Variants in DLG2 observed in about 807,000 individuals in gnomAD.
The protein encoded by DLG2 is discs large MAGUK scaffold protein 2.
DLG2 carries 45 observed loss-of-function variants against 132.5 expected under a neutral mutation model. The observed-to-expected ratio is 0.34, with a 90% CI of 0.27 to 0.44. DLG2 has a LOEUF of 0.44. DLG2 is among the 20% of genes least tolerant of loss of function. DLG2 has a pLI of 1.00. For synonymous variants in DLG2, 424 were observed against 419.6 expected (o/e 1.01, Z -0.13); for missense variants, 1,045 against 1,196.9 (o/e 0.87, Z 1.87).
intron 8 of DLG2, among the ~76,000 whole-genome samples, chr11:84,193,205 C>T (rs956624454): frequency 3.3e-5 from 5 of 152,120 alleles, no homozygotes; most frequent in Non-Finnish European, 4.4e-5. Flanking sequence ...TCCCTGGCCC[C>T]GAACTCTGGC....
intron 10 of DLG2, among the ~76,000 whole-genome samples, chr11:84,078,673 A>C (rs1049781342): frequency 6.6e-6 from 1 of 152,202 alleles, no homozygotes; most frequent in African/African-American, 2.4e-5. Flanking sequence ...GTACTCCTAG[A>C]GGTACACCTT....
At chr11:84,426,123 C>CTCTAA (rs1451104410) in intron 7 of DLG2, among the ~76,000 whole-genome samples, 1 of 152,108 alleles carries the variant, frequency 6.6e-6, no homozygotes, top group Non-Finnish European at 1.5e-5. Flanking sequence ...TTAGCAGGTA[C>CTCTAA]TGTTTACCAA....
chr11:84,564,962 C>T (rs79893734), intron 6 of DLG2, among the ~76,000 whole-genome samples: 8,863 of 152,190 alleles, frequency 0.058, 334 homozygotes, highest in African/African-American at 0.099. Context: ...AAATTACATT[C>T]TACTTTTAAA....
At chr11:84,580,601 G>C (rs1489344908) in intron 6 of DLG2, among the ~76,000 whole-genome samples, 1 of 152,316 alleles carries the variant, frequency 6.6e-6, no homozygotes, top group South Asian at 2.1e-4. Context: ...GTAAAAGGCA[G>C]CAAGCAGCTG....
At chr11:84,092,765 C>T (rs971086068) in intron 10 of DLG2, among the ~76,000 whole-genome samples, 6 of 152,076 alleles carry the variant, frequency 3.9e-5, no homozygotes, top group African/African-American at 7.2e-5. Flanking sequence ...CGGCTGGGTA[C>T]GGTGGCTCAC....
intron 6 of DLG2, among the ~76,000 whole-genome samples, chr11:85,055,867 TG>T (rs758543738): frequency 6.6e-6 from 1 of 152,058 alleles, no homozygotes; most frequent in Non-Finnish European, 1.5e-5. Flanking sequence ...GGGTTAAGGT[TG>T]GGGATAGATA....
intron 7 of DLG2, among the ~76,000 whole-genome samples, chr11:84,521,294 A>G (rs147978690): frequency 6.6e-6 from 1 of 152,314 alleles, no homozygotes; most frequent in African/African-American, 2.4e-5. Flanking sequence ...AATTGAAATA[A>G]GTGAACCTCT....
At chr11:83,656,115 G>A (rs969087403) in intron 18 of DLG2, among the ~76,000 whole-genome samples, 2 of 152,186 alleles carry the variant, frequency 1.3e-5, no homozygotes, top group Non-Finnish European at 2.9e-5. Flanking sequence ...GTTTTGCAGA[G>A]AACTCAGAAA....
chr11:85,068,080 G>A (rs1039281369), intron 6 of DLG2, among the ~76,000 whole-genome samples: 2 of 151,928 alleles, frequency 1.3e-5, no homozygotes, highest in African/African-American at 2.4e-5. Flanking sequence ...ATGCAGAAAA[G>A]GCCTTTGACA....
At chr11:83,818,533 T>A (rs2049770012) in intron 17 of DLG2, among the ~76,000 whole-genome samples, 1 of 152,166 alleles carries the variant, frequency 6.6e-6, no homozygotes, top group Admixed American at 6.5e-5. Context: ...CATGGCTTAG[T>A]CATCATTACA....
chr11:85,420,835 C>G (rs2090241137), intron 3 of DLG2, among the ~76,000 whole-genome samples: 1 of 152,144 alleles, frequency 6.6e-6, no homozygotes, highest in African/African-American at 2.4e-5. Context: ...CTGCTGGCAG[C>G]AAGAATTTCA....
chr11:85,220,437 C>A (rs948325058), intron 4 of DLG2, among the ~76,000 whole-genome samples: 1 of 151,598 alleles, frequency 6.6e-6, no homozygotes, highest in African/African-American at 2.4e-5. Flanking sequence ...AGCAAGGAGG[C>A]CAGGGTGATG....
At chr11:84,887,678 C>T (rs945046768) in intron 6 of DLG2, among the ~76,000 whole-genome samples, 2 of 152,040 alleles carry the variant, frequency 1.3e-5, no homozygotes, top group Non-Finnish European at 2.9e-5. Context: ...TATCAAGTAC[C>T]ACCTTTTGAT....
intron 11 of DLG2, among the ~76,000 whole-genome samples, chr11:84,035,073 C>G (rs894601497): frequency 6.6e-6 from 1 of 152,076 alleles, no homozygotes; most frequent in Non-Finnish European, 1.5e-5. Context: ...AGAGAACTCA[C>G]TACGTTACAA....
At chr11:83,701,873 C>A (rs748349363) in intron 18 of DLG2, among the ~76,000 whole-genome samples, 1 of 152,192 alleles carries the variant, frequency 6.6e-6, no homozygotes, top group Non-Finnish European at 1.5e-5. Flanking sequence ...GGGGCCACAT[C>A]ACATAATGCT....
At chr11:84,644,963 A>T (rs759649549) in intron 6 of DLG2, among the ~76,000 whole-genome samples, 2 of 152,216 alleles carry the variant, frequency 1.3e-5, no homozygotes, top group Non-Finnish European at 1.5e-5. Context: ...TCTCATTTAT[A>T]GAAAATTCAT....
intron 6 of DLG2, among the ~76,000 whole-genome samples, chr11:85,098,750 T>A (rs909862379): frequency 6.6e-6 from 1 of 151,778 alleles, no homozygotes; most frequent in African/African-American, 2.4e-5. Flanking sequence ...TCATGTTTAT[T>A]TTTTTTTACC....
chr11:85,546,917 T>C (rs1205737622), intron 3 of DLG2, among the ~76,000 whole-genome samples: 2 of 151,862 alleles, frequency 1.3e-5, no homozygotes, highest in Non-Finnish European at 2.9e-5. Context: ...TGAGATGGGT[T>C]TGCTGAATAC....
At chr11:85,471,347 G>T (rs1285373972) in intron 3 of DLG2, among the ~76,000 whole-genome samples, 2 of 151,876 alleles carry the variant, frequency 1.3e-5, no homozygotes, top group African/African-American at 2.4e-5. Context: ...AAACACACAA[G>T]AAAATAATCC....
Sources: allele counts gnomAD v4.1 joint callset (sites outside exome capture counted in the v4.1 genomes callset), GRCh38; gene constraint gnomAD v4.1.1; transcripts MANE v1.5; gene names NCBI Gene and HGNC (gene_info 2026-07-23, HGNC 2026-07-21).